ADAMTS14: variants seen among roughly 807,000 people sequenced by gnomAD.
ADAMTS14 encodes ADAM metallopeptidase with thrombospondin type 1 motif 14.
Under a neutral mutation model 128.6 loss-of-function variants are expected in ADAMTS14, and 100 were observed. The ratio of observed to expected loss-of-function variants is 0.78; its 90% confidence interval spans 0.66 to 0.92. The LOEUF (loss-of-function observed/expected upper bound fraction) is 0.92. ADAMTS14 is among the 40% of genes least tolerant of loss of function. The pLI is 0.00. For synonymous variants in ADAMTS14, 665 were observed against 653.8 expected, an observed-to-expected ratio of 1.02 and a Z score of -0.26; for missense variants, 1,562 against 1,658.6, an observed-to-expected ratio of 0.94 and a Z score of 1.01.
At chr10:70,738,738 T>C (rs776903237) in intron 10 of ADAMTS14, 104 bp from the exon 11 acceptor site, 15 of 1,508,110 alleles carry the variant, frequency 9.9e-6, no homozygotes, top group South Asian at 1.2e-5. Flanking sequence ...GGTGGGATTC[T>C]GCCTAAACCC....
intron 15 of ADAMTS14, among the ~76,000 whole-genome samples, chr10:70,747,805 A>G (rs1335932702): frequency 6.6e-6 from 1 of 152,198 alleles, no homozygotes; most frequent in East Asian, 1.9e-4. Context: ...AAGTTGGCAC[A>G]GGTTGTGTGA....
chr10:70,697,974 A>G (rs1840385313), intron 2 of ADAMTS14, among the ~76,000 whole-genome samples: 1 of 152,236 alleles, frequency 6.6e-6, no homozygotes. Context: ...AGAAGCAGCC[A>G]CATTAAAGGG....
intron 3 of ADAMTS14, 102 bp downstream of exon 3, chr10:70,702,570 C>T: frequency 5.6e-6 from 8 of 1,432,060 alleles, no homozygotes; most frequent in Non-Finnish European, 7.5e-6. Flanking sequence ...CCTCAGTCTT[C>T]TTATCTGTAA....
Position 70,738,958 on chromosome 10 carries a change from G to A in ADAMTS14, c.1716G>A (p.Val572=), listed in dbSNP as rs371476393. The change falls in exon 11 of 22, where the codon GTG becomes GTA. Residue 572 remains valine, a synonymous_variant. Coordinates refer to ENST00000373207, the MANE Select transcript of ADAMTS14 (RefSeq NM_080722.4). ...GSCSRSCGGG[V]RSRSRSCNNP... is the part of the protein sequence containing the mutation. ...GTTCGCGGTCATGTGGGGGCGGGGT[G>A]CGATCCCGCAGCCGGAGCTGCAACA... 135 of 1,612,958 alleles carry A rather than the reference G, an allele frequency of 8.4e-5. No individual in the cohort carries two copies. Among genetic ancestry groups the A allele is most frequent in the Non-Finnish European group, 1.0e-4 (120 of 1,179,416 alleles).
At chr10:70,676,735 T>C (rs1839658063) in intron 2 of ADAMTS14, among the ~76,000 whole-genome samples, 1 of 152,118 alleles carries the variant, frequency 6.6e-6, no homozygotes, top group Non-Finnish European at 1.5e-5. Context: ...GGGCCCTTGG[T>C]CACCCCGCTG....
At chr10:70,703,544 C>T (rs1420011711) in intron 3 of ADAMTS14, among the ~76,000 whole-genome samples, 2 of 152,276 alleles carry the variant, frequency 1.3e-5, no homozygotes, top group East Asian at 1.9e-4. Flanking sequence ...GCAGGGCTGG[C>T]GGGGCCTCTG....
At chr10:70,672,999 C>T (rs1214675343) in intron 1 of ADAMTS14, 115 bp downstream of exon 1, 5 of 1,305,152 alleles carry the variant, frequency 3.8e-6, no homozygotes, top group Admixed American at 4.1e-5. Flanking sequence ...AGGCAGTATG[C>T]ACACTCTGGG....
rs1192711595 is a variant in ADAMTS14, at chr10:70,730,082, T to C, written c.955-20T>C. 6.4e-7 allele frequency: 1 copy of C among 1,569,644 alleles called. No individual in the cohort carries two copies. Among genetic ancestry groups the C allele is most frequent in the East Asian group, 2.3e-5 (1 of 44,182 alleles). On this transcript the variant is annotated intron_variant, in intron 5 of 21. Coordinates refer to ENST00000373207, the MANE Select transcript of ADAMTS14 (RefSeq NM_080722.4). The stretch of plus-strand genomic sequence containing the variant: ...CTCTGACCCTCCACGTGGCTGTTGG[T>C]GCTCTCCCGGCCCCTGCAGTCCCTG...
At chr10:70,718,073 C>T (rs983026203) in intron 4 of ADAMTS14, among the ~76,000 whole-genome samples, 10 of 152,194 alleles carry the variant, frequency 6.6e-5, no homozygotes, top group African/African-American at 2.4e-4. Context: ...GGAAGGGTGG[C>T]ATTTTGTTTG....
At chr10:70,753,779 C>T (rs1842409660) in intron 18 of ADAMTS14, 21 bp from the exon 19 acceptor site, 2 of 1,538,914 alleles carry the variant, frequency 1.3e-6, no homozygotes, top group Non-Finnish European at 1.8e-6. Context: ...CTCACCTCCT[C>T]TCCTTTCACC....
chr10:70,745,542 C>T (rs1842152373), intron 15 of ADAMTS14: 4 of 547,030 alleles, frequency 7.3e-6, no homozygotes, highest in Non-Finnish European at 1.3e-5. Context: ...CCCTTTCTAC[C>T]CCTGTACCCT....
chr10:70,716,268 G>A (rs917789138), intron 4 of ADAMTS14, among the ~76,000 whole-genome samples: 1 of 152,214 alleles, frequency 6.6e-6, no homozygotes, highest in African/African-American at 2.4e-5. Flanking sequence ...CTGTGAATGT[G>A]GGAACAGAAA....
chr10:70,672,761 G>A lies in ADAMTS14; in HGVS notation c.-42G>A. ...CCTCGCCGCCCTCAGCCTGGGACTT[G>A]GGGATCGGGCGCTTGCCCAGCCCGC... On this transcript the variant is annotated 5_prime_UTR_variant, in exon 1 of 22. Coordinates refer to ENST00000373207, the MANE Select transcript of ADAMTS14 (RefSeq NM_080722.4). 6.7e-7 allele frequency: 1 copy of A among 1,484,848 alleles called. No individual in the cohort carries two copies. The highest frequency in any genetic ancestry group is 8.9e-7 in the Non-Finnish European group (1 of 1,122,578). The allele number at this position is 1,484,848 out of a possible 1,614,324, so 92.0% of individuals were successfully genotyped here.
intron 10 of ADAMTS14, 88 bp from the exon 11 acceptor site, chr10:70,738,754 C>T: frequency 2.5e-6 from 4 of 1,579,712 alleles, no homozygotes; most frequent in South Asian, 2.2e-5. Context: ...AACCCAGGCT[C>T]ATGCTCTTGC....
intron 12 of ADAMTS14, among the ~76,000 whole-genome samples, chr10:70,741,712 A>G (rs1178019813): frequency 1.3e-5 from 2 of 152,126 alleles, no homozygotes; most frequent in Non-Finnish European, 2.9e-5. Flanking sequence ...ACGACTCTCT[A>G]GGCTGCCCTG....
chr10:70,730,383 C>G lies in ADAMTS14; in HGVS notation c.1102+134C>G. 5 of 1,236,046 alleles carry G rather than the reference C, an allele frequency of 4.0e-6. No individual in the cohort carries two copies. In the South Asian group the frequency reaches 6.9e-5, roughly 17 times the overall value. 76.6% of individuals were successfully genotyped at this position (1,236,046 alleles called of 1,614,324 possible). A position where few individuals can be genotyped will look rare whatever the true frequency, so the allele number is the denominator to read the frequency against. ...GTTTGAAGGGATGGGACCTGGACAGCCGAGGATGAGCTTTGCAATGGTTTA... is the reference window on the plus strand; with the variant it reads ...GTTTGAAGGGATGGGACCTGGACAGGCGAGGATGAGCTTTGCAATGGTTTA... On this transcript the variant is annotated intron_variant, in intron 6 of 21. Transcript: ENST00000373207.
At chr10:70,689,163 G>T (rs2132560225) in intron 2 of ADAMTS14, among the ~76,000 whole-genome samples, 1 of 143,458 alleles carries the variant, frequency 7.0e-6, no homozygotes, top group Non-Finnish European at 1.6e-5. Flanking sequence ...CCCGCGTAGG[G>T]AGATGCTAGG....
intron 6 of ADAMTS14, among the ~76,000 whole-genome samples, chr10:70,731,478 C>A (rs1039245488): frequency 6.6e-6 from 1 of 152,140 alleles, no homozygotes; most frequent in Non-Finnish European, 1.5e-5. Flanking sequence ...AGGGACATGC[C>A]CTTTGTCATT....
In ADAMTS14 at chr10:70,752,129, A is replaced by G. The variant is rs1158143399; in HGVS notation, c.2631A>G (p.Arg877=). The G allele has an allele frequency of 2.5e-6, 4 of 1,613,238 alleles. No individual in the cohort carries two copies. Among genetic ancestry groups the G allele is most frequent in the South Asian group, 1.1e-5 (1 of 91,086 alleles). The change falls in exon 18 of 22, where the codon AGA becomes AGG. Residue 877 remains arginine, a synonymous_variant. Coordinates refer to ENST00000373207, the MANE Select transcript of ADAMTS14 (RefSeq NM_080722.4). ...TCACCAAATACGGCTGCCGGCGCAG[A>G]CGAGACCACCACATGGTGCAGCGAC... ...IQFTKYGCRR[R]RDHHMVQRHL... is the part of the protein sequence containing the mutation.
Sources: allele counts gnomAD v4.1 joint callset (sites outside exome capture counted in the v4.1 genomes callset), GRCh38; gene constraint gnomAD v4.1.1; transcripts MANE v1.5; gene names NCBI Gene and HGNC (gene_info 2026-07-23, HGNC 2026-07-21).